Variants in PHF2 observed in about 807,000 individuals in gnomAD.
PHF2 encodes the protein PHD finger protein 2, also known as lysine-specific demethylase PHF2.
A neutral mutation model predicts 120.5 loss-of-function variants in PHF2; 27 were observed. That is an observed-to-expected ratio of 0.22 (90% CI 0.17 to 0.31). The LOEUF (loss-of-function observed/expected upper bound fraction) is 0.31. Ranked by LOEUF, PHF2 falls within the 10% of genes least tolerant of loss-of-function variation. The pLI is 1.00. For synonymous variants in PHF2, 568 were observed against 592.5 expected, an observed-to-expected ratio of 0.96 and a Z score of 0.60; for missense variants, 1,024 against 1,434.8, an observed-to-expected ratio of 0.71 and a Z score of 4.63.
intron 1 of PHF2, among the ~76,000 whole-genome samples, chr9:93,617,974 A>T (rs972403954): frequency 6.6e-6 from 1 of 152,218 alleles, no homozygotes; most frequent in African/African-American, 2.4e-5. Context: ...ATCCTCACAG[A>T]CACATCCAGG....
chr9:93,663,668 C>T (rs756906085), intron 14 of PHF2, 33 bp downstream of exon 14: 8 of 1,246,422 alleles, frequency 6.4e-6, no homozygotes, highest in South Asian at 5.0e-5. Flanking sequence ...GGGGTGACCT[C>T]GCGCATAACC....
intron 1 of PHF2, among the ~76,000 whole-genome samples, chr9:93,600,086 TTGTGTC>T (rs1158003233): frequency 1.3e-5 from 2 of 151,948 alleles, no homozygotes; most frequent in Non-Finnish European, 2.9e-5. Flanking sequence ...TGTATGATGT[TTGTGTC>T]TGTGTGGTCT....
At chr9:93,587,342 T>G (rs1587662627) in intron 1 of PHF2, among the ~76,000 whole-genome samples, 1 of 129,742 alleles carries the variant, frequency 7.7e-6, no homozygotes, top group Non-Finnish European at 1.6e-5. Flanking sequence ...GAGCCCTGGG[T>G]GAGGGATGAT....
chr9:93,667,130 G>A lies in PHF2; in HGVS notation c.2238G>A (p.Lys746=), dbSNP rs1166005445. Residue 746 remains lysine (K), a synonymous_variant, in exon 17 of 22, where the codon AAG becomes AAA. Coordinates refer to ENST00000359246, the MANE Select transcript of PHF2 (RefSeq NM_005392.4). ...CGCTGCACATCGACACAGACACCAA[G>A]CCCGGCCGCAATGCCAGAGTCAAGA... The part of the protein sequence containing the change: ...EGSLHIDTDT[K]PGRNARVKKE... The A allele has an allele frequency of 1.2e-6, 2 of 1,613,282 alleles. No individual in the cohort carries two copies. The highest frequency in any genetic ancestry group is 8.5e-7 in the Non-Finnish European group (1 of 1,179,992).
At chr9:93,634,164 C>T (rs1285171658) in intron 2 of PHF2, among the ~76,000 whole-genome samples, 4 of 152,170 alleles carry the variant, frequency 2.6e-5, no homozygotes, top group Non-Finnish European at 5.9e-5. Context: ...TAACTGCCTC[C>T]ATTTCCACAA....
At chr9:93,586,308 G>A (rs935839217) in intron 1 of PHF2, among the ~76,000 whole-genome samples, 3 of 152,214 alleles carry the variant, frequency 2.0e-5, no homozygotes, top group African/African-American at 7.2e-5. Context: ...CTTGGAAGTG[G>A]GAGGCACTGT....
rs745818173 is a variant in PHF2, at chr9:93,677,658, C to T, written c.3273C>T (p.Asn1091=). 3.2e-5 allele frequency: 51 copies of T among 1,613,064 alleles called. No individual in the cohort carries two copies. The highest frequency in any genetic ancestry group is 2.1e-4 in the South Asian group (19 of 91,050). Reference sequence around the variant, plus strand: ...GGAAAATTTTGAAAATTCATCGGAACGGGAAACTACTCCTTTAAGATTTGG... The same window carrying T: ...GGAAAATTTTGAAAATTCATCGGAATGGGAAACTACTCCTTTAAGATTTGG... ...RLGKILKIHR[N]GKLLL Residue 1091 remains asparagine, a synonymous_variant, in exon 22 of 22, where the codon AAC becomes AAT. Coordinates refer to ENST00000359246, the MANE Select transcript of PHF2 (RefSeq NM_005392.4). This position sits in a 1 kb window ranked among gnomAD's most constrained non-coding sequence, Gnocchi z 4.4.
At chr9:93,664,154 C>G (rs1004742136) in intron 14 of PHF2, among the ~76,000 whole-genome samples, 1 of 152,228 alleles carries the variant, frequency 6.6e-6, no homozygotes, top group Non-Finnish European at 1.5e-5. Context: ...GGTCCTGGCT[C>G]TCAGAGCCCG....
In PHF2 at chr9:93,576,800, C is replaced by A; in HGVS notation, c.27C>A (p.Val9=). 1 of 1,286,354 alleles carries A rather than the reference C, an allele frequency of 7.8e-7. No homozygotes were observed. The highest frequency in any genetic ancestry group is 1.0e-6 in the Non-Finnish European group (1 of 982,672). 79.7% of individuals were successfully genotyped at this position (1,286,354 alleles called of 1,614,324 possible). The stretch of plus-strand genomic sequence containing the variant: ...TGGCGACGGTGCCCGTGTACTGCGT[C>A]TGCCGGCTCCCCTACGACGTTACCC... MATVPVYC[V]CRLPYDVTRF... is the part of the protein sequence containing the mutation. The change falls in exon 1 of 22, where the codon GTC becomes GTA. Residue 9 remains valine, a synonymous_variant. Coordinates refer to ENST00000359246, the MANE Select transcript of PHF2 (RefSeq NM_005392.4).
chr9:93,663,978 G>C (rs764576002), intron 14 of PHF2, among the ~76,000 whole-genome samples: 1 of 152,260 alleles, frequency 6.6e-6, no homozygotes, highest in East Asian at 1.9e-4. Context: ...TCCACCTGTA[G>C]TGTGGGTGTG....
rs1025007707 is a variant in PHF2 at position 93,658,975 on chromosome 9, A to G, written c.1240-536A>G. ...CCTACTGGGCTCATTGTGCAGAGGT[A>G]CTATGCCCACTCTTGAGGGAGGAGG... On this transcript the variant is annotated intron_variant, in intron 10 of 21. Coordinates refer to ENST00000359246, the MANE Select transcript of PHF2 (RefSeq NM_005392.4). Among the ~76,000 whole-genome samples, 3 of 152,332 alleles carry G rather than the reference A, an allele frequency of 2.0e-5. No homozygotes were observed. In the East Asian group the frequency reaches 5.8e-4, roughly 29 times the overall value.
intron 2 of PHF2, among the ~76,000 whole-genome samples, chr9:93,633,431 A>T (rs1826037063): frequency 6.6e-6 from 1 of 152,176 alleles, no homozygotes; most frequent in Non-Finnish European, 1.5e-5. Flanking sequence ...ACTTATACAC[A>T]GTCAGTTTTC....
chr9:93,609,541 A>T (rs1327381986), intron 1 of PHF2, among the ~76,000 whole-genome samples: 1 of 150,304 alleles, frequency 6.7e-6, no homozygotes, highest in Admixed American at 6.6e-5. Flanking sequence ...CTGGATACAG[A>T]ATTCTAGGTT....
chr9:93,600,222 G>A (rs1410930856), intron 1 of PHF2, among the ~76,000 whole-genome samples: 1 of 146,104 alleles, frequency 6.8e-6, no homozygotes, highest in Non-Finnish European at 1.5e-5. Flanking sequence ...TGGTGTGGTG[G>A]TGCATGGGGG....
At chr9:93,615,114 G>A (rs1587683157) in intron 1 of PHF2, among the ~76,000 whole-genome samples, 1 of 151,024 alleles carries the variant, frequency 6.6e-6, no homozygotes, top group East Asian at 2.0e-4. Context: ...AGATGGTGAT[G>A]GTGATGGCGA....
At chr9:93,605,883 T>G (rs537152491) in intron 1 of PHF2, among the ~76,000 whole-genome samples, 2 of 152,374 alleles carry the variant, frequency 1.3e-5, no homozygotes, top group Non-Finnish European at 2.9e-5. Flanking sequence ...TGTGCAAGTT[T>G]TTCTGTGTAG....
intron 2 of PHF2, among the ~76,000 whole-genome samples, chr9:93,632,910 T>G (rs1436467124): frequency 6.7e-6 from 1 of 149,140 alleles, no homozygotes; most frequent in Non-Finnish European, 1.5e-5. Flanking sequence ...CATGCTCAGA[T>G]TTGAAGTGAG....
At chr9:93,653,407 A>G (rs1489972591) in intron 6 of PHF2, 42 bp downstream of exon 6, 3 of 1,594,714 alleles carry the variant, frequency 1.9e-6, no homozygotes, top group Non-Finnish European at 2.6e-6. Context: ...TGCCATGGCC[A>G]TGACCCATCT....
intron 1 of PHF2, among the ~76,000 whole-genome samples, chr9:93,587,488 G>A (rs1460773865): frequency 2.0e-5 from 3 of 149,736 alleles, no homozygotes; most frequent in Non-Finnish European, 3.0e-5. Flanking sequence ...GGTGAGGGAT[G>A]ATGGAGGAGC....
Sources: allele counts gnomAD v4.1 joint callset (sites outside exome capture counted in the v4.1 genomes callset), GRCh38; gene constraint gnomAD v4.1.1; non-coding constraint Gnocchi (gnomAD v3.1); transcripts MANE v1.5; gene names NCBI Gene and HGNC (gene_info 2026-07-23, HGNC 2026-07-21).